Variants in ASMT observed in about 807,000 individuals in gnomAD.
ASMT encodes acetylserotonin N-methyltransferase.
Under a neutral mutation model 41.3 loss-of-function variants are expected in ASMT, and 53 were observed. The observed-to-expected ratio is 1.28, with a 90% CI of 1.03 to 1.61. The LOEUF is 1.61. ASMT is among the 40% of genes most tolerant of loss of function. ASMT has a pLI of 0.00. For synonymous variants in ASMT, 231 were observed against 184.8 expected (o/e 1.25, Z -2.03); for missense variants, 531 against 441.3 (o/e 1.20, Z -1.82).
chrX:1,626,497 G>A (rs748120622), intron 3 of ASMT, among the ~76,000 whole-genome samples: 3 of 152,180 alleles, frequency 2.0e-5, no homozygotes, highest in Admixed American at 1.3e-4. Context: ...GCCTCCCAGA[G>A]TGTTAGGATT....
chrX:1,626,017 C>T (rs1415129959), intron 3 of ASMT, among the ~76,000 whole-genome samples: 1 of 149,448 alleles, frequency 6.7e-6, no homozygotes, highest in Non-Finnish European at 1.5e-5. Context: ...AGACCAAATT[C>T]TTATTATGTA....
chrX:1,636,525 A>T lies in ASMT; in HGVS notation c.875A>T (p.His292Leu), dbSNP rs779330411. The T allele has an allele frequency of 5.0e-6, 8 of 1,613,786 alleles. No individual in the cohort carries two copies. The highest frequency in any genetic ancestry group is 1.7e-5 in the Admixed American group (1 of 59,946). The change falls in exon 8 of 9, where the codon CAC becomes CTC. Residue 292 changes from histidine to leucine, a missense_variant. Transcript: ENST00000381241. ...LHDWADGKCS[H>L]LLERIYHTCK... is the part of the protein sequence containing the mutation. ...GACTGGGCAGACGGAAAGTGCTCACACCTGCTGGAGAGGATCTACCACACT... is the reference window on the plus strand; with the variant it reads ...GACTGGGCAGACGGAAAGTGCTCACTCCTGCTGGAGAGGATCTACCACACT...
Position 1,623,006 on chromosome X carries a change from A to T in ASMT, c.70-133A>T, listed in dbSNP as rs190155172. On this transcript the variant is annotated intron_variant, in intron 1 of 8. Coordinates refer to ENST00000381241, the MANE Select transcript of ASMT (RefSeq NM_001171038.2). ...CTCATTTGACTCTGTCTCAAAAAAA[A>T]AAATAAATAAATGAATAAGAATATA... 4,263 of 819,100 alleles carry T rather than the reference A, an allele frequency of 5.2e-3. 27 individuals are homozygous for T. Among genetic ancestry groups the T allele is most frequent in the African/African-American group, 0.012 (670 of 58,044 alleles). The allele number at this position is 819,100 out of a possible 1,614,324, so 50.7% of individuals were successfully genotyped here.
rs187615481 is a variant in ASMT at position 1,616,858 on chromosome X, G to A, written c.69+1590G>A. On this transcript the variant is annotated intron_variant, in intron 1 of 8. Transcript: ENST00000381241. ...CGAGTAGCTGGGATTACAGGCACCCGCCACCACGCCCGGCTAATTTTTTGT... is the reference window on the plus strand; with the variant it reads ...CGAGTAGCTGGGATTACAGGCACCCACCACCACGCCCGGCTAATTTTTTGT... Among the ~76,000 whole-genome samples, 566 of 144,716 alleles carry A rather than the reference G, an allele frequency of 3.9e-3. 21 individuals are homozygous for A. The East Asian group carries it at 0.07, about 18-fold the overall frequency. The allele number at this position is 144,716 out of a possible 152,430, so 94.9% of individuals were successfully genotyped here.
At chrX:1,635,937 G>GGCCACAC (rs1374826462) in intron 7 of ASMT, among the ~76,000 whole-genome samples, 1 of 151,134 alleles carries the variant, frequency 6.6e-6, no homozygotes, top group African/African-American at 2.4e-5. Flanking sequence ...GAGAGAAAGA[G>GGCCACAC]GCCACACTTA....
At chrX:1,635,797 G>A (rs1934936279) in intron 7 of ASMT, among the ~76,000 whole-genome samples, 1 of 151,750 alleles carries the variant, frequency 6.6e-6, no homozygotes, top group Non-Finnish European at 1.5e-5. Context: ...AGGAGGTGGA[G>A]GTTGCGGTGA....
At chrX:1,620,697 G>C (rs754661201) in intron 1 of ASMT, among the ~76,000 whole-genome samples, 1 of 151,934 alleles carries the variant, frequency 6.6e-6, no homozygotes, top group Non-Finnish European at 1.5e-5. Context: ...TCAGGAGATC[G>C]AGACCATGGT....
chrX:1,628,166 C>G (rs1190188726), intron 4 of ASMT: 2 of 250,344 alleles, frequency 8.0e-6, no homozygotes, highest in East Asian at 2.1e-4. Context: ...ACTAAAAATA[C>G]AAAAATTAGC....
At chrX:1,619,855 GC>G (rs1934275431) in intron 1 of ASMT, among the ~76,000 whole-genome samples, 1 of 150,906 alleles carries the variant, frequency 6.6e-6, no homozygotes. Flanking sequence ...ACTTTGGGAG[GC>G]CGAGGAAGGT....
intron 1 of ASMT, among the ~76,000 whole-genome samples, chrX:1,622,102 C>T (rs1934357106): frequency 6.6e-6 from 1 of 152,054 alleles, no homozygotes; most frequent in Admixed American, 6.6e-5. Flanking sequence ...ACGCCATTCT[C>T]CTGCCTCAGC....
At position 1,633,250 on chromosome X, in the gene ASMT, C is replaced by T; in HGVS notation, c.747C>T (p.His249=). Residue 249 remains histidine (H), a synonymous_variant, in exon 7 of 9, where the codon CAC becomes CAT. Transcript: ENST00000381241. ...IPEVVWTAKQ[H]FSFQEEEQID... is the part of the protein sequence containing the mutation. ...AAGTGGTGTGGACGGCAAAGCAGCA[C>T]TTCTCATTCCAGGAGGAAGAACAGA... 2.5e-6 allele frequency: 4 copies of T among 1,613,942 alleles called. No homozygotes were observed. The highest frequency in any genetic ancestry group is 3.4e-6 in the Non-Finnish European group (4 of 1,179,870).
At position 1,642,940 on chromosome X, in the gene ASMT, T is replaced by G; in HGVS notation, c.1048T>G (p.Ser350Ala). 1 of 1,613,978 alleles carries G rather than the reference T, an allele frequency of 6.2e-7. No homozygotes were observed. Among genetic ancestry groups the G allele is most frequent in the Non-Finnish European group, 8.5e-7 (1 of 1,179,866 alleles). Residue 350 changes from serine (S) to alanine (A), a missense_variant, in exon 9 of 9, where the codon TCT (serine) becomes GCT (alanine). Physicochemically the swap from Ser to Ala is moderately conservative, Grantham distance 99. Coordinates refer to ENST00000381241, the MANE Select transcript of ASMT (RefSeq NM_001171038.2). Reference protein sequence around the residue: ...RTPTHYHMLLSSAGFRDFQFK... With the variant: ...RTPTHYHMLLASAGFRDFQFK... Reference sequence around the variant, plus strand: ...CCCCACCCACTACCACATGCTCCTCTCTTCTGCTGGCTTCAGAGACTTCCA... The same window carrying G: ...CCCCACCCACTACCACATGCTCCTCGCTTCTGCTGGCTTCAGAGACTTCCA...
chrX:1,643,072 T>A lies in ASMT; in HGVS notation c.*58T>A. 6.4e-7 allele frequency: 1 copy of A among 1,565,868 alleles called. No individual in the cohort carries two copies. The highest frequency in any genetic ancestry group is 1.4e-5 in the African/African-American group (1 of 73,978). ...CACACAAGACATAATAATAAAGACA[T>A]GTACCTCCAGTGGCTTCTTGTTCTT... On this transcript the variant is annotated 3_prime_UTR_variant, in exon 9 of 9. Coordinates refer to ENST00000381241, the MANE Select transcript of ASMT (RefSeq NM_001171038.2).
intron 8 of ASMT, among the ~76,000 whole-genome samples, chrX:1,642,473 A>C (rs1235477129): frequency 7.0e-6 from 1 of 143,376 alleles, no homozygotes; most frequent in Admixed American, 7.0e-5. Flanking sequence ...AGGTCCATCG[A>C]TCCTGATGGC....
intron 2 of ASMT, 159 bp from the exon 3 acceptor site, chrX:1,624,110 A>T: frequency 2.2e-6 from 1 of 459,014 alleles, no homozygotes; most frequent in Non-Finnish European, 2.9e-6. Context: ...CCTTCCACAG[A>T]AGGCTCCAGC....
chrX:1,615,695 G>T (rs1295405614), intron 1 of ASMT, among the ~76,000 whole-genome samples: 4 of 151,886 alleles, frequency 2.6e-5, no homozygotes, highest in African/African-American at 7.2e-5. Context: ...CCAGCTACTT[G>T]GGAGGCTGAG....
intron 1 of ASMT, among the ~76,000 whole-genome samples, chrX:1,621,438 C>T (rs1371291296): frequency 7.9e-5 from 12 of 151,920 alleles, no homozygotes; most frequent in African/African-American, 2.7e-4. Context: ...CTGCCTCACC[C>T]TCCCCAGTAG....
chrX:1,631,744 G>A lies in ASMT; in HGVS notation c.563-960G>A, dbSNP rs189101073. Among the ~76,000 whole-genome samples, 23 of 151,512 alleles carry A rather than the reference G, an allele frequency of 1.5e-4. No individual in the cohort carries two copies. The East Asian group carries it at 4.0e-3, about 26-fold the overall frequency. Reference sequence around the variant, plus strand: ...AGCCTGGTCAACATGGTGAAATCCCGTCTCTACTAAAAATACAAAAAAAGG... The same window carrying A: ...AGCCTGGTCAACATGGTGAAATCCCATCTCTACTAAAAATACAAAAAAAGG... On this transcript the variant is annotated intron_variant, in intron 5 of 8. Coordinates refer to ENST00000381241, the MANE Select transcript of ASMT (RefSeq NM_001171038.2).
chrX:1,641,500 G>A (rs6644793), intron 8 of ASMT, among the ~76,000 whole-genome samples: 96,590 of 139,180 alleles, frequency 0.69, 34,320 homozygotes, highest in East Asian at 0.96. Flanking sequence ...ATGGTTCATG[G>A]GGACGTGAGC....
Sources: gnomAD v4.1 joint callset for allele counts (sites outside exome capture counted in the v4.1 genomes callset) on GRCh38, gnomAD v4.1.1 for gene constraint, MANE v1.5 for transcripts, NCBI Gene and HGNC (gene_info 2026-07-23, HGNC 2026-07-21) for gene names.